MYH8: variants seen among roughly 807,000 people sequenced by gnomAD.
MYH8 encodes myosin-8.
A neutral mutation model predicts 233.2 loss-of-function variants in MYH8; 168 were observed. The observed-to-expected ratio is 0.72, with a 90% confidence interval of 0.64 to 0.82. MYH8 has a LOEUF of 0.82. MYH8 is among the 40% of genes least tolerant of loss of function. The probability of loss-of-function intolerance (pLI) is 0.00; values close to 1 mark genes in which losing one functional copy is unlikely to be tolerated. For synonymous variants in MYH8, 785 were observed against 850.6 expected (o/e 0.92, Z 1.34); for missense variants, 1,995 against 2,327.8 (o/e 0.86, Z 2.94).
At chr17:10,412,029 G>C (rs1008752549) in intron 14 of MYH8, among the ~76,000 whole-genome samples, 2 of 152,068 alleles carry the variant, frequency 1.3e-5, no homozygotes, top group Admixed American at 6.5e-5. Flanking sequence ...TGCTGTCCTG[G>C]ATTTGTCTTA....
chr17:10,391,777 T>C, intron 39 of MYH8, 105 bp downstream of exon 39: 1 of 862,536 alleles, frequency 1.2e-6, no homozygotes, highest in Non-Finnish European at 2.0e-6. Flanking sequence ...TTAAAATGAG[T>C]GGTAGATTTT....
rs2072299274 is a variant in MYH8 at position 10,417,511 on chromosome 17, T to TCAC, written c.511+1131_511+1133dup. Reference sequence around the variant, plus strand: ...TCTCTTGGCAATGCTAAAATAACACTCACCAGCTCAAAGGCTAGAGCTCTG... The same window carrying TCAC: ...TCTCTTGGCAATGCTAAAATAACACTCACCACCAGCTCAAAGGCTAGAGCTCTG... On this transcript the variant is annotated intron_variant, in intron 5 of 39. Coordinates refer to ENST00000403437, the MANE Select transcript of MYH8 (RefSeq NM_002472.3). This position sits in a 1 kb window ranked among gnomAD's most constrained non-coding sequence, Gnocchi z 4.1. 6.6e-6 allele frequency among the ~76,000 whole-genome samples: 1 copy of TCAC among 152,160 alleles called. No homozygotes were observed. The highest frequency in any genetic ancestry group is 6.5e-5 in the Admixed American group (1 of 15,278).
chr17:10,391,009 G>T (rs2072016968), intron 39 of MYH8, among the ~76,000 whole-genome samples: 1 of 152,222 alleles, frequency 6.6e-6, no homozygotes, highest in Non-Finnish European at 1.5e-5. Flanking sequence ...TCTGTTAATT[G>T]ACTCATTGCC....
rs779517713 is a variant in MYH8 at position 10,418,749 on chromosome 17, A to C, written c.407T>G (p.Val136Gly). The change falls in exon 5 of 40, where the codon GTG (valine) becomes GGG (glycine). Residue 136 changes from valine to glycine, a missense_variant. Val to Gly is a moderately radical substitution (Grantham distance 109, BLOSUM62 -3). Around this residue, in one of 3 missense-constraint regions of MYH8, gnomAD observed 479 missense variants for 600.9 expected, o/e 0.80. Transcript: ENST00000403437. ...GGCAGCCACCACCTCGGGCTTGTAC[A>C]CCGGCAGCCACTTGTAGGGGTTGAC... is the stretch of plus-strand genomic sequence containing the variant. ...VTVNPYKWLP[V>G]YKPEVVAAYR... 2 of 1,613,862 alleles carry C rather than the reference A, an allele frequency of 1.2e-6. No homozygotes were observed. Among genetic ancestry groups the C allele is most frequent in the Non-Finnish European group, 1.7e-6 (2 of 1,179,830 alleles).
At chr17:10,411,904 A>G (rs2072247206) in intron 14 of MYH8, among the ~76,000 whole-genome samples, 1 of 152,192 alleles carries the variant, frequency 6.6e-6, no homozygotes. Flanking sequence ...AGTTTATGTA[A>G]GACAAATCTG....
intron 28 of MYH8, 53 bp downstream of exon 28, chr17:10,399,490 A>G (rs538805012): frequency 1.2e-6 from 2 of 1,611,588 alleles, no homozygotes; most frequent in East Asian, 4.5e-5. Context: ...TAGAACCCCT[A>G]GAATCCATTT....
chr17:10,420,348 G>T, intron 2 of MYH8, 91 bp from the exon 3 acceptor site: 1 of 1,180,556 alleles, frequency 8.5e-7, no homozygotes, highest in Non-Finnish European at 1.2e-6. Context: ...GTTGAACATA[G>T]CCTGTGCTGT....
Position 10,419,117 on chromosome 17 carries a change from G to C in MYH8, c.211-87C>G, listed in dbSNP as rs2072314368. On this transcript the variant is annotated intron_variant, in intron 3 of 39. Coordinates refer to ENST00000403437, the MANE Select transcript of MYH8 (RefSeq NM_002472.3). This position sits in a 1 kb window ranked among gnomAD's most constrained non-coding sequence, Gnocchi z 4.0. ...TTTTTGCCCAGGCTGGAGTGCAGTG[G>C]CGCGATCTCAGCTCACTGCAACCTC... 6.7e-7 allele frequency: 1 copy of C among 1,488,824 alleles called. No homozygotes were observed. Among genetic ancestry groups the C allele is most frequent in the Non-Finnish European group, 9.3e-7 (1 of 1,077,198 alleles). 92.2% of individuals were successfully genotyped at this position (1,488,824 alleles called of 1,614,324 possible). A position where few individuals can be genotyped will look rare whatever the true frequency, so the allele number is the denominator to read the frequency against.
chr17:10,393,026 G>A, intron 36 of MYH8, 25 bp from the exon 37 acceptor site: 1 of 1,614,182 alleles, frequency 6.2e-7, no homozygotes, highest in Non-Finnish European at 8.5e-7. Context: ...AATTAAGAAA[G>A]TAATGAAACT....
chr17:10,415,772 GT>G lies in MYH8; in HGVS notation c.512-65del, dbSNP rs750128970. On this transcript the variant is annotated intron_variant, in intron 5 of 39. Coordinates refer to ENST00000403437, the MANE Select transcript of MYH8 (RefSeq NM_002472.3). The surrounding 1 kb of genome is among the most constrained non-coding windows in gnomAD (Gnocchi z 4.1). Reference sequence around the variant, plus strand: ...ATTTAATATGAAGAGTATTGAATCAGTTCAGATCAAACACAGCTTGTTCTTT... The same window carrying G: ...ATTTAATATGAAGAGTATTGAATCAGTCAGATCAAACACAGCTTGTTCTTT... 55 of 1,530,156 alleles carry G rather than the reference GT, an allele frequency of 3.6e-5. No homozygotes were observed. Among genetic ancestry groups the G allele is most frequent in the Non-Finnish European group, 4.7e-5 (52 of 1,117,828 alleles). The allele number at this position is 1,530,156 out of a possible 1,614,324, so 94.8% of individuals were successfully genotyped here.
intron 34 of MYH8, among the ~76,000 whole-genome samples, chr17:10,394,824 G>A (rs1296711004): frequency 2.6e-5 from 4 of 152,138 alleles, no homozygotes; most frequent in Non-Finnish European, 5.9e-5. Context: ...GTTCTGAGAG[G>A]TTAAGTAATT....
intron 22 of MYH8, among the ~76,000 whole-genome samples, chr17:10,403,347 T>C (rs1469559908): frequency 6.6e-6 from 1 of 152,198 alleles, no homozygotes; most frequent in Non-Finnish European, 1.5e-5. Context: ...TCCAGTCTAA[T>C]TTATTAGGTT....
chr17:10,394,124 A>G, intron 35 of MYH8, 125 bp downstream of exon 35: 2 of 1,291,772 alleles, frequency 1.5e-6, no homozygotes, highest in South Asian at 1.2e-5. Context: ...AGCAATGAGT[A>G]TTTTTGAGCA....
chr17:10,400,804 C>A lies in MYH8; in HGVS notation c.3346-25G>T. On this transcript the variant is annotated intron_variant, in intron 26 of 39. Coordinates refer to ENST00000403437, the MANE Select transcript of MYH8 (RefSeq NM_002472.3). This position sits in a 1 kb window ranked among gnomAD's most constrained non-coding sequence, Gnocchi z 4.0. The stretch of plus-strand genomic sequence containing the variant: ...CCTGGGAATGAAAGAAGCACATAAA[C>A]ATAAACTCATCTCAACTTCAGTGTT... The A allele has an allele frequency of 6.2e-7, 1 of 1,614,010 alleles. No individual in the cohort carries two copies. Among genetic ancestry groups the A allele is most frequent in the South Asian group, 1.1e-5 (1 of 91,088 alleles).
At chr17:10,414,974 T>C in intron 9 of MYH8, 142 bp downstream of exon 9, 1 of 795,144 alleles carries the variant, frequency 1.3e-6, no homozygotes, top group South Asian at 1.4e-5. Flanking sequence ...GGATTATGGG[T>C]AAGCCTAGCA....
chr17:10,406,282 G>C lies in MYH8; in HGVS notation c.2287C>G (p.His763Asp). 8 of 1,614,034 alleles carry C rather than the reference G, an allele frequency of 5.0e-6. No individual in the cohort carries two copies. The highest frequency in any genetic ancestry group is 6.8e-6 in the Non-Finnish European group (8 of 1,179,894). The change falls in exon 20 of 40, where the codon CAT (histidine) becomes GAT (aspartate). Residue 763 changes from histidine to aspartate, a missense_variant. His to Asp is a moderately conservative substitution (Grantham distance 81). Coordinates refer to ENST00000403437, the MANE Select transcript of MYH8 (RefSeq NM_002472.3). Reference sequence around the variant, plus strand: ...AATAAATAACGATATACCTTGGTATGTCCAAATTTATATTGAGTATGATCA... The same window carrying C: ...AATAAATAACGATATACCTTGGTATCTCCAAATTTATATTGAGTATGATCA... ...DIDHTQYKFG[H>D]TKVFFKAGLL...
At position 10,406,394 on chromosome 17, in the gene MYH8, G is replaced by GT. The variant is rs565515290; in HGVS notation, c.2174dup (p.Tyr725Ter). Reference protein sequence around the residue: ...RILYGDFKQRYKVLNASAIPE... With the variant: ...RILYGDFKQR ...GAATAGCACTTGCATTTAAAACCTTGTATCTGCTCAGTTAAAGAAAGAAAG... is the reference window on the plus strand; with the variant it reads ...GAATAGCACTTGCATTTAAAACCTTGTTATCTGCTCAGTTAAAGAAAGAAAG... Residue 725 changes from tyrosine to a stop codon, truncating the protein, a stop_gained and frameshift_variant, in exon 20 of 40, where the codon TAC (tyrosine) becomes TAAC (stop). Transcript: ENST00000403437. LOFTEE classifies it high-confidence loss of function. 5.0e-4 allele frequency: 799 copies of GT among 1,613,984 alleles called. 6 individuals carry two copies. The African/African-American group carries it at 9.4e-3, about 19-fold the overall frequency.
chr17:10,390,325 A>T lies in MYH8; in HGVS notation c.*129T>A. ...AAGTGAAAAAATGAAAGTCCGGTTT[A>T]ATGTATACATTTACTGTAGTTTTTA... On this transcript the variant is annotated 3_prime_UTR_variant, in exon 40 of 40. Coordinates refer to ENST00000403437, the MANE Select transcript of MYH8 (RefSeq NM_002472.3). 2 of 1,228,390 alleles carry T rather than the reference A, an allele frequency of 1.6e-6. No homozygotes were observed. Among genetic ancestry groups the T allele is most frequent in the East Asian group, 2.3e-5 (1 of 42,892 alleles). The allele number at this position is 1,228,390 out of a possible 1,614,324, so 76.1% of individuals were successfully genotyped here. A position where few individuals can be genotyped will look rare whatever the true frequency, so the allele number is the denominator to read the frequency against.
chr17:10,397,171 G>C (rs2072087854), intron 30 of MYH8, among the ~76,000 whole-genome samples, 185 bp from the exon 31 acceptor site: 2 of 152,102 alleles, frequency 1.3e-5, no homozygotes, highest in African/African-American at 4.8e-5. Context: ...CGACCTCCCG[G>C]GTTCAAGCGA....
Sources: allele counts gnomAD v4.1 joint callset (sites outside exome capture counted in the v4.1 genomes callset), GRCh38; gene constraint gnomAD v4.1.1; regional missense constraint gnomAD v4.1.1; non-coding constraint Gnocchi (gnomAD v3.1); transcripts MANE v1.5; gene names NCBI Gene and HGNC (gene_info 2026-07-23, HGNC 2026-07-21).